The following TICRR variants were observed in gnomAD, a reference collection of about 807,000 sequenced individuals.
The protein encoded by TICRR is treslin.
Under a neutral mutation model 178.1 loss-of-function variants are expected in TICRR, and 132 were observed. That is an observed-to-expected ratio of 0.74 (90% CI 0.64 to 0.86). The LOEUF is 0.86. Among genes scored for constraint, TICRR ranks in the 40% least tolerant of loss-of-function variants. The probability of loss-of-function intolerance (pLI) is 0.00; values close to 1 mark genes in which losing one functional copy is unlikely to be tolerated. For synonymous variants in TICRR, 991 were observed against 900.7 expected (o/e 1.10, Z -1.79); for missense variants, 2,587 against 2,334.3 (o/e 1.11, Z -2.23).
At chr15:89,583,071 C>T in intron 2 of TICRR, 106 bp downstream of exon 2, 1 of 1,193,290 alleles carries the variant, frequency 8.4e-7, no homozygotes, top group Non-Finnish European at 1.1e-6. Flanking sequence ...CCCAGGCACT[C>T]AACGAATGCT....
At chr15:89,608,729 C>T in intron 14 of TICRR, 74 bp from the exon 15 acceptor site, 1 of 1,363,474 alleles carries the variant, frequency 7.3e-7, no homozygotes, top group Non-Finnish European at 9.8e-7. Flanking sequence ...TTTTGGTTAT[C>T]TTTTCTCAGA....
chr15:89,614,071 G>A (rs975092256), intron 15 of TICRR, among the ~76,000 whole-genome samples: 7 of 151,834 alleles, frequency 4.6e-5, no homozygotes, highest in South Asian at 2.1e-4. Context: ...GGAGAATGGC[G>A]TGAACCCAGG....
chr15:89,626,084 G>C lies in TICRR; in HGVS notation c.5602+23G>C, dbSNP rs117117368. 14,130 of 1,610,180 alleles carry C rather than the reference G, an allele frequency of 8.8e-3. 94 individuals are homozygous for C. The highest frequency in any genetic ancestry group is 9.5e-3 in the Non-Finnish European group (11,157 of 1,178,762). ...GAGGTAATGTTTGTTGAAGGTCTAGGACCCTTTCCTGTGACAGACTGTCTG... is the reference window on the plus strand; with the variant it reads ...GAGGTAATGTTTGTTGAAGGTCTAGCACCCTTTCCTGTGACAGACTGTCTG... On this transcript the variant is annotated intron_variant, in intron 21 of 21. Coordinates refer to ENST00000268138, the MANE Select transcript of TICRR (RefSeq NM_152259.4).
At position 89,592,088 on chromosome 15, in the gene TICRR, A is replaced by G. The variant is rs1962923298; in HGVS notation, c.1453A>G (p.Thr485Ala). ...PEWAQQELGH[T>A]TPWSPAVVEK... Reference sequence around the variant, plus strand: ...GTGGGCCCAGCAGGAGCTTGGCCACACCACTCCCTGGAGTCCAGCTGTTGT... The same window carrying G: ...GTGGGCCCAGCAGGAGCTTGGCCACGCCACTCCCTGGAGTCCAGCTGTTGT... Residue 485 changes from threonine to alanine, a missense_variant, in exon 5 of 22, where the codon ACC becomes GCC. Coordinates refer to ENST00000268138, the MANE Select transcript of TICRR (RefSeq NM_152259.4). 6.2e-7 allele frequency: 1 copy of G among 1,612,498 alleles called. No homozygotes were observed. Among genetic ancestry groups the G allele is most frequent in the South Asian group, 1.1e-5 (1 of 90,994 alleles).
At chr15:89,589,852 A>G (rs369371103) in intron 4 of TICRR, among the ~76,000 whole-genome samples, 1 of 152,078 alleles carries the variant, frequency 6.6e-6, no homozygotes, top group African/African-American at 2.4e-5. Flanking sequence ...GTGGGGACAC[A>G]TGCCTGTAAT....
rs745518434 is a variant in TICRR at position 89,601,891 on chromosome 15, TTGTCAAGTGCTCGTAGATCAG to T, written c.2488_2508del (p.Ser830_Ser836del). The T allele has an allele frequency of 5.0e-6, 8 of 1,614,064 alleles. No homozygotes were observed. Among genetic ancestry groups the T allele is most frequent in the African/African-American group, 1.3e-5 (1 of 74,944 alleles). ...ATCACCACTTCTTTCTGTGCCTTTT[TTGTCAAGTGCTCGTAGATCAG>T]TGTCAGGCAGCCCTGAATCTGATGA... On this transcript the variant is annotated inframe_deletion, in exon 12 of 22. Coordinates refer to ENST00000268138, the MANE Select transcript of TICRR (RefSeq NM_152259.4).
Position 89,624,362 on chromosome 15 carries a change from C to T in TICRR, c.4052C>T (p.Ala1351Val), listed in dbSNP as rs1473233781. Residue 1351 changes from alanine (A) to valine (V), a missense_variant, in exon 20 of 22, where the codon GCA (alanine) becomes GTA (valine). Physicochemically the swap from Ala to Val is moderately conservative, Grantham distance 64. Coordinates refer to ENST00000268138, the MANE Select transcript of TICRR (RefSeq NM_152259.4). ...KEPQMSPSVAASLSCPVPSTP... is the reference protein window; with the variant it reads ...KEPQMSPSVAVSLSCPVPSTP... ...CCCCAGATGTCACCCAGCGTAGCTG[C>T]ATCTCTCTCCTGCCCTGTTCCCTCA... 3.7e-6 allele frequency: 6 copies of T among 1,614,018 alleles called. No homozygotes were observed. Among genetic ancestry groups the T allele is most frequent in the Non-Finnish European group, 5.1e-6 (6 of 1,180,014 alleles).
intron 5 of TICRR, among the ~76,000 whole-genome samples, chr15:89,592,585 C>G (rs1303090322): frequency 1.3e-5 from 2 of 151,964 alleles, no homozygotes; most frequent in East Asian, 3.8e-4. Flanking sequence ...TACTAAGAAT[C>G]CAACATGAGA....
chr15:89,622,852 C>T (rs1264219565), intron 19 of TICRR, among the ~76,000 whole-genome samples: 1 of 152,226 alleles, frequency 6.6e-6, no homozygotes, highest in African/African-American at 2.4e-5. Flanking sequence ...TGCCGACACC[C>T]AAGCTTGAAG....
At position 89,575,639 on chromosome 15, in the gene TICRR, C is replaced by T. The variant is rs1361377949; in HGVS notation, c.53C>T (p.Ala18Val). The T allele has an allele frequency of 6.4e-7, 1 of 1,556,098 alleles. No individual in the cohort carries two copies. The highest frequency in any genetic ancestry group is 2.4e-5 in the East Asian group (1 of 41,788). Reference protein sequence around the residue: ...MLLLDTAGGAARHSRVRRAAL... With the variant: ...MLLLDTAGGAVRHSRVRRAAL... Reference sequence around the variant, plus strand: ...CTGCTGGACACCGCGGGCGGCGCCGCCCGCCACAGCCGGGTCCGGCGGGCC... The same window carrying T: ...CTGCTGGACACCGCGGGCGGCGCCGTCCGCCACAGCCGGGTCCGGCGGGCC... The change falls in exon 1 of 22, where the codon GCC becomes GTC. Residue 18 changes from alanine (A) to valine (V), a missense_variant. Physicochemically the swap from Ala to Val is moderately conservative, Grantham distance 64 (BLOSUM62 0). Transcript: ENST00000268138.
chr15:89,590,091 T>A (rs1333665913), intron 4 of TICRR, among the ~76,000 whole-genome samples: 1 of 152,116 alleles, frequency 6.6e-6, no homozygotes, highest in Non-Finnish European at 1.5e-5. Context: ...GTTGAGGCTG[T>A]GGTATTATGG....
chr15:89,580,155 T>A (rs1469396588), intron 1 of TICRR: 1 of 152,338 alleles, frequency 6.6e-6, no homozygotes, highest in East Asian at 1.9e-4. Context: ...GTAGCTGGGA[T>A]TACAGGCACC....
At position 89,624,406 on chromosome 15, in the gene TICRR, C is replaced by G. The variant is rs1194190833; in HGVS notation, c.4096C>G (p.Gln1366Glu). The change falls in exon 20 of 22, where the codon CAG (glutamine) becomes GAG (glutamate). Residue 1366 changes from glutamine to glutamate, a missense_variant. Gln to Glu is a conservative substitution (Grantham distance 29). Transcript: ENST00000268138. ...TCCCTCAACTCCCCCTGAACTCTCA[C>G]AGAGAGCTACATTGGACACCGTCCC... The part of the protein sequence containing the change: ...PVPSTPPELS[Q>E]RATLDTVPPP... 3 of 1,614,208 alleles carry G rather than the reference C, an allele frequency of 1.9e-6. No individual in the cohort carries two copies. In the Admixed American group the frequency reaches 5.0e-5, roughly 27 times the overall value.
chr15:89,598,146 GT>G (rs764483944), intron 7 of TICRR, among the ~76,000 whole-genome samples: 1,764 of 77,330 alleles, frequency 0.023, 38 homozygotes, highest in African/African-American at 0.052. Context: ...TTGTTTGTTT[GT>G]TTTTTTTAGT....
chr15:89,603,272 A>G (rs1408199519), intron 13 of TICRR, among the ~76,000 whole-genome samples: 3 of 152,178 alleles, frequency 2.0e-5, no homozygotes, highest in Non-Finnish European at 4.4e-5. Context: ...AATATGTTAT[A>G]TTTTACTTTA....
chr15:89,591,355 C>A (rs1962909379), intron 4 of TICRR: 1 of 152,160 alleles, frequency 6.6e-6, no homozygotes, highest in South Asian at 2.1e-4. Context: ...AACTCCTGAC[C>A]TCAGGTGATC....
In TICRR at chr15:89,624,158, A is replaced by G. The variant is rs1360847041; in HGVS notation, c.3848A>G (p.Lys1283Arg). Residue 1283 changes from lysine (K) to arginine (R), a missense_variant, in exon 20 of 22, where the codon AAA becomes AGA. By Grantham distance (26) the Lys-to-Arg change is conservative (BLOSUM62 2). Transcript: ENST00000268138. ...GCTCGGGCAGAGGAACCAGCCCAGA[A>G]ACTAAAGGATAAAGCTATCAAAACT... ...RAARAEEPAQ[K>R]LKDKAIKTPK... is the part of the protein sequence containing the mutation. 1 of 1,614,100 alleles carries G rather than the reference A, an allele frequency of 6.2e-7. No homozygotes were observed. The highest frequency in any genetic ancestry group is 1.1e-5 in the South Asian group (1 of 91,070).
chr15:89,584,676 A>T, intron 3 of TICRR, 149 bp downstream of exon 3: 1 of 768,760 alleles, frequency 1.3e-6, no homozygotes, highest in Non-Finnish European at 1.9e-6. Context: ...TAGTATCATG[A>T]CAGCAATGCT....
Position 89,592,029 on chromosome 15 carries a change from G to T in TICRR, c.1412-18G>T. The T allele has an allele frequency of 6.3e-7, 1 of 1,592,984 alleles. No homozygotes were observed. Among genetic ancestry groups the T allele is most frequent in the Non-Finnish European group, 8.6e-7 (1 of 1,164,516 alleles). On this transcript the variant is annotated intron_variant, in intron 4 of 21. Transcript: ENST00000268138. The stretch of plus-strand genomic sequence containing the variant: ...TCATGCTGTTTCCTCTCCTGCCGCT[G>T]CTCCTTTGCTCCAATAGCTTCTCCT...
Sources: allele counts gnomAD v4.1 joint callset (sites outside exome capture counted in the v4.1 genomes callset), GRCh38; gene constraint gnomAD v4.1.1; transcripts MANE v1.5; gene names NCBI Gene and HGNC (gene_info 2026-07-23, HGNC 2026-07-21).